CTNND1: variants seen among roughly 807,000 people sequenced by gnomAD.
CTNND1 encodes the protein catenin delta-1.
In CTNND1, 16 loss-of-function variants were observed where a neutral mutation model predicts 112.1. The observed-to-expected ratio is 0.14, with a 90% CI of 0.10 to 0.22. The LOEUF is 0.22. Among genes scored for constraint, CTNND1 ranks in the 10% least tolerant of loss-of-function variants. The pLI, the probability that CTNND1 is intolerant of heterozygous loss-of-function variation, is 1.00. For synonymous variants in CTNND1, 420 were observed against 446.5 expected, an observed-to-expected ratio of 0.94 and a Z score of 0.75; for missense variants, 1,008 against 1,257.0, an observed-to-expected ratio of 0.80 and a Z score of 3.00.
At position 57,802,072 on chromosome 11, in the gene CTNND1, C is replaced by G; in HGVS notation, c.1296C>G (p.Leu432=). The G allele has an allele frequency of 1.2e-6, 2 of 1,613,988 alleles. No individual in the cohort carries two copies. Among genetic ancestry groups the G allele is most frequent in the Non-Finnish European group, 1.7e-6 (2 of 1,179,888 alleles). The change falls in exon 7 of 21, where the codon CTC becomes CTG. Residue 432 remains leucine, a synonymous_variant. Coordinates refer to ENST00000399050, the MANE Select transcript of CTNND1 (RefSeq NM_001085458.2). ...TGCACCTTGGAGCCTGTGGAGCTCT[C>G]AAGAATATCTCTTTTGGACGTGACC... ...KEVHLGACGA[L]KNISFGRDQD...
At chr11:57,776,475 G>T (rs1448250968) in intron 1 of CTNND1, among the ~76,000 whole-genome samples, 1 of 152,104 alleles carries the variant, frequency 6.6e-6, no homozygotes, top group Non-Finnish European at 1.5e-5. Flanking sequence ...CTTCTGCCTC[G>T]CCTCCCTGTA....
chr11:57,767,213 G>A (rs540574909), intron 1 of CTNND1, among the ~76,000 whole-genome samples: 13 of 152,144 alleles, frequency 8.5e-5, no homozygotes, highest in African/African-American at 2.6e-4. Context: ...TTCATGATCC[G>A]CCTGCCTTGG....
At chr11:57,803,454 A>T (rs2062263276) in intron 7 of CTNND1, among the ~76,000 whole-genome samples, 167 bp from the exon 8 acceptor site, 1 of 152,204 alleles carries the variant, frequency 6.6e-6, no homozygotes, top group Admixed American at 6.5e-5. Context: ...GCTATAATGT[A>T]GAATATGTTT....
chr11:57,802,139 G>T lies in CTNND1; in HGVS notation c.1363G>T (p.Ala455Ser), dbSNP rs780597185. The T allele has an allele frequency of 9.7e-5, 156 of 1,613,896 alleles. 3 individuals are homozygous for T. Among genetic ancestry groups the T allele is most frequent in the South Asian group, 8.8e-4 (80 of 91,092 alleles). Reference protein sequence around the residue: ...IAIKNCDGVPALVRLLRKARD... With the variant: ...IAIKNCDGVPSLVRLLRKARD... ...CATAAAAAACTGTGATGGTGTGCCT[G>T]CCCTTGTGCGATTGCTTCGAAAGGC... Residue 455 changes from alanine to serine, a missense_variant, in exon 7 of 21, where the codon GCC becomes TCC. Coordinates refer to ENST00000399050, the MANE Select transcript of CTNND1 (RefSeq NM_001085458.2).
At chr11:57,775,535 C>T (rs948029463) in intron 1 of CTNND1, among the ~76,000 whole-genome samples, 11 of 152,066 alleles carry the variant, frequency 7.2e-5, no homozygotes, top group African/African-American at 2.7e-4. Flanking sequence ...GGAGGACTCG[C>T]CTATTGGGAG....
chr11:57,768,997 T>C (rs1951842578), intron 1 of CTNND1, among the ~76,000 whole-genome samples: 1 of 151,918 alleles, frequency 6.6e-6, no homozygotes, highest in African/African-American at 2.4e-5. Context: ...TTTTTTTTTT[T>C]ACATTTTTAT....
chr11:57,790,518 G>A (rs1196100936), intron 2 of CTNND1, among the ~76,000 whole-genome samples: 1 of 145,224 alleles, frequency 6.9e-6, no homozygotes, highest in Non-Finnish European at 1.5e-5. Context: ...ATAGGAGTAC[G>A]CCACCACACC....
In CTNND1 at chr11:57,794,081, G is replaced by A. The variant is rs762032009; in HGVS notation, c.267G>A (p.Gln89=). 1.9e-6 allele frequency: 3 copies of A among 1,613,712 alleles called. No homozygotes were observed. The African/African-American group carries it at 4.0e-5, about 22-fold the overall frequency. ...KFSDLKLNGP[Q]DHSHLLYSTI... ...CAGATTTGAAACTCAACGGACCCCA[G>A]GTAATTCTTTGGCTCAAGACCTGGG... Residue 89 remains glutamine, a splice_region_variant and synonymous_variant, in exon 4 of 21, where the codon CAG becomes CAA. Coordinates refer to ENST00000399050, the MANE Select transcript of CTNND1 (RefSeq NM_001085458.2).
intron 18 of CTNND1, among the ~76,000 whole-genome samples, chr11:57,814,600 C>T (rs566808129): frequency 3.8e-4 from 58 of 152,240 alleles, no homozygotes; most frequent in African/African-American, 1.3e-3. Flanking sequence ...CTTTCTATGC[C>T]TCTCCTATTA....
chr11:57,780,461 A>C (rs950562155), intron 1 of CTNND1, among the ~76,000 whole-genome samples: 2 of 152,150 alleles, frequency 1.3e-5, no homozygotes, highest in African/African-American at 4.8e-5. Context: ...ACTACTTACT[A>C]CTAGTTGATG....
chr11:57,814,150 AC>A lies in CTNND1; in HGVS notation c.2639-160del. 3 of 608,082 alleles carry A rather than the reference AC, an allele frequency of 4.9e-6. No homozygotes were observed. The South Asian group carries it at 5.7e-5, about 12-fold the overall frequency. The allele number at this position is 608,082 out of a possible 1,614,324, so 37.7% of individuals were successfully genotyped here. A position where few individuals can be genotyped will look rare whatever the true frequency, so the allele number is the denominator to read the frequency against. On this transcript the variant is annotated intron_variant, in intron 17 of 20. Transcript: ENST00000399050. The stretch of plus-strand genomic sequence containing the variant: ...AGCAACATAGTGAGACCTCATCTCT[AC>A]AAAAAGCTTAAAAATTATCCAGGCA...
Position 57,810,443 on chromosome 11 carries a change from C to A in CTNND1, c.2550+220C>A, listed in dbSNP as rs539389839. On this transcript the variant is annotated intron_variant, in intron 16 of 20. Transcript: ENST00000399050. ...TCCCGGGTTCAAGTGATTCTTGTGC[C>A]TCAGCCTCCCCAGTAGCTGGGACTA... 3.9e-5 allele frequency among the ~76,000 whole-genome samples: 6 copies of A among 152,122 alleles called. 1 individual carries two copies. The South Asian group carries it at 1.2e-3, about 32-fold the overall frequency.
chr11:57,789,617 G>T (rs574181243), intron 2 of CTNND1, among the ~76,000 whole-genome samples: 187 of 152,286 alleles, frequency 1.2e-3, no homozygotes, highest in African/African-American at 4.2e-3. Flanking sequence ...AGTGGAAGAA[G>T]AATTGTGTTG....
At chr11:57,799,979 G>GTTTTTTTTTTTTTT (rs1157141511) in intron 6 of CTNND1, among the ~76,000 whole-genome samples, 1 of 58,834 alleles carries the variant, frequency 1.7e-5, no homozygotes, top group Admixed American at 2.4e-4. Context: ...TTGTTTCCGT[G>GTTTTTTTTTTTTTT]TTTTTTTTTT....
chr11:57,775,258 A>G (rs1027172517), intron 1 of CTNND1, among the ~76,000 whole-genome samples: 1 of 151,500 alleles, frequency 6.6e-6, no homozygotes, highest in African/African-American at 2.4e-5. Flanking sequence ...GGTCTCAGCT[A>G]CTTAGGAAGC....
intron 6 of CTNND1, among the ~76,000 whole-genome samples, chr11:57,799,309 C>T (rs985123893): frequency 1.6e-4 from 24 of 152,212 alleles, no homozygotes; most frequent in Non-Finnish European, 1.2e-4. Flanking sequence ...CTTTTTCTGA[C>T]TTCCTCATTA....
intron 17 of CTNND1, 190 bp from the exon 18 acceptor site, chr11:57,814,121 C>T (rs2063682162): frequency 1.8e-6 from 1 of 549,442 alleles, no homozygotes; most frequent in East Asian, 3.2e-5. Context: ...TTCAGACCAG[C>T]CTGAGCAACA....
intron 6 of CTNND1, among the ~76,000 whole-genome samples, chr11:57,797,429 C>G (rs1412473038): frequency 1.3e-5 from 2 of 148,176 alleles, no homozygotes; most frequent in Admixed American, 1.3e-4. Flanking sequence ...TGGGGTTTCA[C>G]CATGTTGGCC....
intron 1 of CTNND1, among the ~76,000 whole-genome samples, chr11:57,781,926 ATG>A (rs1187086102): frequency 6.6e-6 from 1 of 152,112 alleles, no homozygotes; most frequent in Non-Finnish European, 1.5e-5. Flanking sequence ...CCATTTTAGT[ATG>A]TTATGGTTTA....
Sources: allele counts gnomAD v4.1 joint callset (sites outside exome capture counted in the v4.1 genomes callset), GRCh38; gene constraint gnomAD v4.1.1; transcripts MANE v1.5; gene names NCBI Gene and HGNC (gene_info 2026-07-23, HGNC 2026-07-21).